STX12: variants seen among roughly 807,000 people sequenced by gnomAD.
The protein encoded by STX12 is syntaxin-12.
A neutral mutation model predicts 42.2 loss-of-function variants in STX12; 17 were observed. The ratio of observed to expected loss-of-function variants is 0.40; its 90% CI spans 0.28 to 0.60. The LOEUF (loss-of-function observed/expected upper bound fraction) is 0.60. STX12 is among the 20% of genes least tolerant of loss of function. The pLI is 0.39. For synonymous variants in STX12, 108 were observed against 116.7 expected, an observed-to-expected ratio of 0.93 and a Z score of 0.48; for missense variants, 297 against 330.9, an observed-to-expected ratio of 0.90 and a Z score of 0.79.
Position 27,824,099 on chromosome 1 carries a change from A to C in STX12, c.*1770A>C, listed in dbSNP as rs1281889073. 1 of 152,106 alleles carries C rather than the reference A, an allele frequency of 6.6e-6. No individual in the cohort carries two copies. Among genetic ancestry groups the C allele is most frequent in the African/African-American group, 2.4e-5 (1 of 41,436 alleles). The allele number at this position is 152,106 out of a possible 1,614,324, so 9.4% of individuals were successfully genotyped here. ...TAATGATTTTTTAATTAAAAAAAAG[A>C]ACAACAGGATAGAGCTGTTGGGGTG... On this transcript the variant is annotated 3_prime_UTR_variant, in exon 9 of 9. Transcript: ENST00000373943.
intron 1 of STX12, 75 bp downstream of exon 1, chr1:27,773,500 G>C: frequency 7.2e-7 from 1 of 1,393,172 alleles, no homozygotes; most frequent in Non-Finnish European, 1.0e-6. Context: ...GGGACGCAGG[G>C]CCCGGCTGGG....
chr1:27,795,600 C>T (rs372329304), intron 3 of STX12, among the ~76,000 whole-genome samples: 2 of 152,096 alleles, frequency 1.3e-5, no homozygotes, highest in African/African-American at 2.4e-5. Context: ...GCCACCACAC[C>T]TGGCCCATGT....
At position 27,817,900 on chromosome 1, in the gene STX12, T is replaced by A; in HGVS notation, c.626T>A (p.Ile209Asn). ...NQIFKDLAMM[I>N]HDQGDLIDSI... ...ATATTTAAAGATTTGGCCATGATGA[T>A]CCATGACCAGGGTGATCTGATTGGT... The change falls in exon 7 of 9, where the codon ATC (isoleucine) becomes AAC (asparagine). Residue 209 changes from isoleucine to asparagine, a missense_variant. Coordinates refer to ENST00000373943, the MANE Select transcript of STX12 (RefSeq NM_177424.3). The A allele has an allele frequency of 1.2e-6, 2 of 1,614,004 alleles. No homozygotes were observed. Among genetic ancestry groups the A allele is most frequent in the Non-Finnish European group, 1.7e-6 (2 of 1,179,944 alleles).
chr1:27,818,587 C>G (rs114755242), intron 7 of STX12, among the ~76,000 whole-genome samples: 30 of 152,072 alleles, frequency 2.0e-4, no homozygotes, highest in African/African-American at 7.2e-4. Context: ...TCTCAGCTTC[C>G]CAGCTTTTAT....
rs2148603016 is a variant in STX12, at chr1:27,799,921, T to A, written c.289-1757T>A. On this transcript the variant is annotated intron_variant, in intron 3 of 8. Coordinates refer to ENST00000373943, the MANE Select transcript of STX12 (RefSeq NM_177424.3). ...TGCCTGCCACCATGTCTAGGTAATT[T>A]TTTCTATTTTTAGTAGTGATGGGGT... 1.3e-5 allele frequency among the ~76,000 whole-genome samples: 2 copies of A among 152,296 alleles called. 1 individual carries two copies. The highest frequency in any genetic ancestry group is 4.1e-4 in the South Asian group (2 of 4,820).
In STX12 at chr1:27,792,170, A is replaced by C. The variant is rs190972406; in HGVS notation, c.189-1363A>C. 3.2e-3 allele frequency among the ~76,000 whole-genome samples: 415 copies of C among 131,066 alleles called. 4 individuals are homozygous for C. Among genetic ancestry groups the C allele is most frequent in the Middle Eastern group, 0.011 (3 of 268 alleles). 86.0% of individuals were successfully genotyped at this position (131,066 alleles called of 152,430 possible). On this transcript the variant is annotated intron_variant, in intron 2 of 8. Coordinates refer to ENST00000373943, the MANE Select transcript of STX12 (RefSeq NM_177424.3). ...TATATATGTGTATCTATATATGTAT[A>C]TACATATATATGTATCTATATATGT...
intron 4 of STX12, among the ~76,000 whole-genome samples, chr1:27,804,731 A>G (rs891921982): frequency 6.6e-6 from 1 of 151,900 alleles, no homozygotes; most frequent in Non-Finnish European, 1.5e-5. Context: ...GACTCGCTTC[A>G]ACCCGGGAGG....
chr1:27,824,039 G>A lies in STX12; in HGVS notation c.*1710G>A, dbSNP rs1410245932. ...AGCCCAAGAGTTCAAGATCAGCCTG[G>A]GCAGTATAGCAAGACCCCATCTCCA... On this transcript the variant is annotated 3_prime_UTR_variant, in exon 9 of 9. Transcript: ENST00000373943. 1 of 151,888 alleles carries A rather than the reference G, an allele frequency of 6.6e-6. No individual in the cohort carries two copies. The highest frequency in any genetic ancestry group is 6.6e-5 in the Admixed American group (1 of 15,218). 9.4% of individuals were successfully genotyped at this position (151,888 alleles called of 1,614,324 possible).
chr1:27,807,529 G>A (rs2088871549), intron 4 of STX12, among the ~76,000 whole-genome samples: 1 of 152,216 alleles, frequency 6.6e-6, no homozygotes, highest in Non-Finnish European at 1.5e-5. Context: ...CACCAGGAGG[G>A]CAGAAGTTTA....
chr1:27,815,802 T>C (rs2088937297), intron 6 of STX12, among the ~76,000 whole-genome samples: 1 of 152,228 alleles, frequency 6.6e-6, no homozygotes, highest in Non-Finnish European at 1.5e-5. Flanking sequence ...CAAATTTCCA[T>C]AGGGTCATGC....
chr1:27,785,777 A>T (rs189187256), intron 1 of STX12, among the ~76,000 whole-genome samples: 19 of 152,320 alleles, frequency 1.2e-4, no homozygotes, highest in Non-Finnish European at 2.1e-4. Flanking sequence ...AGGCTAACTC[A>T]ATTAATCAGT....
intron 8 of STX12, 128 bp from the exon 9 acceptor site, chr1:27,822,103 C>CATA (rs1199916203): frequency 1.2e-5 from 8 of 640,736 alleles, no homozygotes; most frequent in Non-Finnish European, 1.7e-5. Flanking sequence ...AAAGTCTGTG[C>CATA]ATAATTTTGC....
chr1:27,777,257 TTGAG>T (rs1436386405), intron 1 of STX12, among the ~76,000 whole-genome samples: 1 of 152,054 alleles, frequency 6.6e-6, no homozygotes, highest in Non-Finnish European at 1.5e-5. Context: ...GAGCTGACAT[TTGAG>T]TGAGTAGACA....
At chr1:27,784,747 G>A (rs2088689199) in intron 1 of STX12, among the ~76,000 whole-genome samples, 2 of 152,130 alleles carry the variant, frequency 1.3e-5, no homozygotes, top group African/African-American at 4.8e-5. Context: ...CGACACTGTT[G>A]TCCTTATGAT....
chr1:27,790,347 G>A (rs979089527), intron 2 of STX12, among the ~76,000 whole-genome samples: 8 of 152,188 alleles, frequency 5.3e-5, no homozygotes, highest in African/African-American at 1.4e-4. Context: ...CGTGGAAGAG[G>A]ATCTGAGCAG....
intron 4 of STX12, 137 bp from the exon 5 acceptor site, chr1:27,810,109 A>G: frequency 1.4e-6 from 1 of 719,430 alleles, no homozygotes; most frequent in Non-Finnish European, 2.3e-6. Context: ...ACAGATTGCC[A>G]GAGTCCTATG....
intron 1 of STX12, among the ~76,000 whole-genome samples, chr1:27,781,348 TGGTG>T (rs1379261859): frequency 5.9e-5 from 9 of 152,096 alleles, no homozygotes; most frequent in Admixed American, 1.3e-4. Flanking sequence ...CCAGCCCCAG[TGGTG>T]ACATTATTAA....
At chr1:27,807,497 CAATG>C (rs1168826670) in intron 4 of STX12, among the ~76,000 whole-genome samples, 1 of 152,110 alleles carries the variant, frequency 6.6e-6, no homozygotes, top group Admixed American at 6.5e-5. Context: ...ATTAAAATAA[CAATG>C]AAATACTATT....
intron 2 of STX12, among the ~76,000 whole-genome samples, chr1:27,792,287 G>GTATCTATATATATGTAT (rs2088753505): frequency 1.4e-5 from 1 of 71,886 alleles, no homozygotes; most frequent in African/African-American, 1.6e-4. Context: ...TATATATGTA[G>GTATCTATATATATGTAT]ATACATATAT....
Sources: allele counts gnomAD v4.1 joint callset (sites outside exome capture counted in the v4.1 genomes callset), GRCh38; gene constraint gnomAD v4.1.1; transcripts MANE v1.5; gene names NCBI Gene and HGNC (gene_info 2026-07-23, HGNC 2026-07-21).